The following NTM variants were observed in gnomAD, a reference collection of about 807,000 sequenced individuals.
The protein encoded by NTM is neurotrimin.
In NTM, 13 loss-of-function variants were observed where a neutral mutation model predicts 42.1. The ratio of observed to expected loss-of-function variants is 0.31; its 90% CI spans 0.20 to 0.49. NTM has a LOEUF of 0.49. Among genes scored for constraint, NTM ranks in the 20% least tolerant of loss-of-function variants. The probability of loss-of-function intolerance (pLI) is 0.99; values close to 1 mark genes in which losing one functional copy is unlikely to be tolerated. For missense variants in NTM, 373 were observed against 452.8 expected, an observed-to-expected ratio of 0.82 and a Z score of 1.60; for synonymous variants, 187 against 179.2, an observed-to-expected ratio of 1.04 and a Z score of -0.35.
chr11:132,044,108 G>A (rs1173575917), intron 2 of NTM, among the ~76,000 whole-genome samples: 1 of 131,300 alleles, frequency 7.6e-6, no homozygotes, highest in Non-Finnish European at 1.7e-5. Flanking sequence ...GTATATGTGT[G>A]TATGTGTATG....
chr11:132,136,351 A>T (rs993019958), intron 2 of NTM, among the ~76,000 whole-genome samples: 2 of 152,312 alleles, frequency 1.3e-5, no homozygotes, highest in East Asian at 3.9e-4. Context: ...AGGTGAGAGG[A>T]TGTGTTGCCA....
At chr11:132,089,750 A>T (rs1438220255) in intron 2 of NTM, among the ~76,000 whole-genome samples, 1 of 152,188 alleles carries the variant, frequency 6.6e-6, no homozygotes, top group Non-Finnish European at 1.5e-5. Context: ...AAGCTTCAAC[A>T]TAAATTTGAT....
intron 1 of NTM, among the ~76,000 whole-genome samples, chr11:131,741,256 C>T (rs932296511): frequency 1.5e-4 from 22 of 151,550 alleles, no homozygotes; most frequent in African/African-American, 2.4e-4. Context: ...AGTCCAGGGG[C>T]GGTAGCCTAC....
rs1021862200 is a variant in NTM, at chr11:132,335,406, C to G, written c.*260C>G. ...TTTCCCAAACGGGAAGAACACAGCACACCCGGCTTGGACCCACTGCAAGCT... is the reference window on the plus strand; with the variant it reads ...TTTCCCAAACGGGAAGAACACAGCAGACCCGGCTTGGACCCACTGCAAGCT... On this transcript the variant is annotated 3_prime_UTR_variant, in exon 9 of 9. Coordinates refer to ENST00000683400, the MANE Select transcript of NTM (RefSeq NM_001352005.2). The G allele has an allele frequency of 2.3e-6, 1 of 434,664 alleles. No individual in the cohort carries two copies. Among genetic ancestry groups the G allele is most frequent in the South Asian group, 2.2e-5 (1 of 44,890 alleles). The allele number at this position is 434,664 out of a possible 1,614,324, so 26.9% of individuals were successfully genotyped here.
chr11:131,952,500 T>G (rs532133836), intron 2 of NTM, among the ~76,000 whole-genome samples: 12 of 152,356 alleles, frequency 7.9e-5, no homozygotes, highest in African/African-American at 2.9e-4. Flanking sequence ...GGCATTTTAA[T>G]TTTTTATTTA....
chr11:131,451,414 T>C (rs1339893068), intron 1 of NTM, among the ~76,000 whole-genome samples: 1 of 152,114 alleles, frequency 6.6e-6, no homozygotes, highest in African/African-American at 2.4e-5. Flanking sequence ...CAGAAAATAA[T>C]GCAAAAGGAG....
intron 3 of NTM, among the ~76,000 whole-genome samples, chr11:132,162,314 G>C (rs745744514): frequency 2.2e-4 from 33 of 151,856 alleles, no homozygotes; most frequent in Admixed American, 7.2e-4. Context: ...GCGTGTATGT[G>C]GGTGGAGTGT....
intron 2 of NTM, among the ~76,000 whole-genome samples, chr11:132,058,455 G>C (rs1239264692): frequency 6.6e-6 from 1 of 152,136 alleles, no homozygotes; most frequent in Non-Finnish European, 1.5e-5. Flanking sequence ...TTTCTGTTTG[G>C]TGTAGAGATT....
intron 4 of NTM, among the ~76,000 whole-genome samples, chr11:132,251,535 G>A (rs899039489): frequency 1.1e-4 from 17 of 152,126 alleles, no homozygotes; most frequent in African/African-American, 2.4e-5. Flanking sequence ...ACTTCCTTAT[G>A]CGATGATGAG....
chr11:131,565,069 C>A (rs1304510337), intron 1 of NTM, among the ~76,000 whole-genome samples: 1 of 152,228 alleles, frequency 6.6e-6, no homozygotes, highest in Non-Finnish European at 1.5e-5. Flanking sequence ...GGTACCTCCC[C>A]CTGCATGAGA....
chr11:131,782,507 G>A (rs2088352498), intron 1 of NTM, among the ~76,000 whole-genome samples: 1 of 151,944 alleles, frequency 6.6e-6, no homozygotes, highest in Non-Finnish European at 1.5e-5. Flanking sequence ...ATTTTATGAG[G>A]CCATTATTAC....
At chr11:131,836,989 C>T (rs1397559149) in intron 1 of NTM, among the ~76,000 whole-genome samples, 1 of 152,152 alleles carries the variant, frequency 6.6e-6, no homozygotes, top group African/African-American at 2.4e-5. Flanking sequence ...AGGAAAGTCT[C>T]TTTTGAGGCT....
chr11:132,194,301 G>A (rs1350616808), intron 3 of NTM, among the ~76,000 whole-genome samples: 1 of 152,014 alleles, frequency 6.6e-6, no homozygotes, highest in Non-Finnish European at 1.5e-5. Context: ...TGGGATGCAA[G>A]GGTGGTTCAA....
At chr11:132,185,717 G>T (rs560741506) in intron 3 of NTM, among the ~76,000 whole-genome samples, 5 of 152,164 alleles carry the variant, frequency 3.3e-5, no homozygotes, top group African/African-American at 1.2e-4. Context: ...AGATATGTTG[G>T]TTTAAAAGAT....
chr11:132,265,209 G>T (rs540240871), intron 4 of NTM, among the ~76,000 whole-genome samples: 14 of 152,204 alleles, frequency 9.2e-5, no homozygotes, highest in African/African-American at 2.9e-4. Flanking sequence ...AATGAAATGG[G>T]ATTACCCATC....
At chr11:131,698,723 C>T (rs570890137) in intron 1 of NTM, among the ~76,000 whole-genome samples, 86 of 152,344 alleles carry the variant, frequency 5.6e-4, no homozygotes, top group Admixed American at 4.8e-3. Context: ...CAGCGCCCTC[C>T]GTCCTTGCTC....
intron 1 of NTM, among the ~76,000 whole-genome samples, chr11:131,574,004 T>C (rs1164527765): frequency 1.3e-5 from 2 of 152,178 alleles, no homozygotes; most frequent in African/African-American, 2.4e-5. Context: ...CTTTTCCTTA[T>C]TTTTAAAGCA....
chr11:131,849,458 A>G (rs199595475), intron 1 of NTM, among the ~76,000 whole-genome samples: 7 of 151,882 alleles, frequency 4.6e-5, no homozygotes, highest in South Asian at 2.1e-4. Flanking sequence ...AGAGAGAGAG[A>G]GGGGGAAGTG....
At chr11:132,314,847 C>G (rs978686521) in intron 7 of NTM, 144 bp downstream of exon 7, 24 of 1,385,756 alleles carry the variant, frequency 1.7e-5, no homozygotes, top group Non-Finnish European at 5.6e-6. Flanking sequence ...GAGAGAGACA[C>G]AGAAAGAAAT....
Sources: gnomAD v4.1 joint callset for allele counts (sites outside exome capture counted in the v4.1 genomes callset) on GRCh38, gnomAD v4.1.1 for gene constraint, MANE v1.5 for transcripts, NCBI Gene and HGNC (gene_info 2026-07-23, HGNC 2026-07-21) for gene names.